FANCM: variants seen among roughly 807,000 people sequenced by gnomAD.
The protein encoded by FANCM is Fanconi anemia group M protein.
A neutral mutation model predicts 199.5 loss-of-function variants in FANCM; 140 were observed. The ratio of observed to expected loss-of-function variants is 0.70; its 90% CI spans 0.61 to 0.81. The LOEUF is 0.81. Among genes scored for constraint, FANCM ranks in the 30% least tolerant of loss-of-function variants. The probability of loss-of-function intolerance (pLI) is 0.00; values close to 1 mark genes in which losing one functional copy is unlikely to be tolerated. For missense variants in FANCM, 2,410 were observed against 2,421.4 expected, an observed-to-expected ratio of 1.00 and a Z score of 0.10; for synonymous variants, 840 against 836.8, an observed-to-expected ratio of 1.00 and a Z score of -0.07.
chr14:45,194,792 A>T (rs1220236262), intron 20 of FANCM, among the ~76,000 whole-genome samples: 2 of 149,236 alleles, frequency 1.3e-5, no homozygotes, highest in East Asian at 3.9e-4. Flanking sequence ...AGATATTGCT[A>T]ACTTCTCTAT....
At chr14:45,150,637 A>G (rs146835441) in intron 4 of FANCM, among the ~76,000 whole-genome samples, 8 of 152,310 alleles carry the variant, frequency 5.3e-5, no homozygotes, top group Non-Finnish European at 1.0e-4. Context: ...GACATACCTT[A>G]TCATTCACAT....
intron 20 of FANCM, among the ~76,000 whole-genome samples, chr14:45,194,363 GCTTC>G (rs1172109707): frequency 6.7e-6 from 1 of 150,220 alleles, no homozygotes; most frequent in African/African-American, 2.4e-5. Flanking sequence ...GTCCTTCACT[GCTTC>G]CTTCCTTGTA....
chr14:45,148,711 G>T, intron 3 of FANCM, 126 bp from the exon 4 acceptor site: 1 of 650,078 alleles, frequency 1.5e-6, no homozygotes, highest in Non-Finnish European at 2.7e-6. Context: ...TTTCTTTTTT[G>T]TTACTTAATG....
intron 11 of FANCM, among the ~76,000 whole-genome samples, chr14:45,169,032 CTG>C (rs1888167119): frequency 6.6e-6 from 1 of 151,980 alleles, no homozygotes; most frequent in Admixed American, 6.6e-5. Flanking sequence ...AGCAATTCTC[CTG>C]CCTCAGCCTC....
chr14:45,150,943 A>C (rs1000426352), intron 4 of FANCM, among the ~76,000 whole-genome samples: 1 of 152,238 alleles, frequency 6.6e-6, no homozygotes, highest in South Asian at 2.1e-4. Flanking sequence ...AAAATGCATC[A>C]GTGAGTAAAA....
rs780819683 is a variant in FANCM at position 45,175,247 on chromosome 14, A to C, written c.2493A>C (p.Glu831Asp). The C allele has an allele frequency of 1.9e-6, 3 of 1,609,436 alleles. No individual in the cohort carries two copies. In the African/African-American group the frequency reaches 4.0e-5, roughly 22 times the overall value. ...AAGGCAGTTCATCCTCAGTGATAGA[A>C]TCTGATGAAGAATGTGCTGAAATTG... ...INQGSSSSVI[E>D]SDEECAEIVK... is the part of the protein sequence containing the mutation. The change falls in exon 14 of 23, where the codon GAA becomes GAC. Residue 831 changes from glutamate to aspartate, a missense_variant. Glu to Asp is a conservative substitution (Grantham distance 45, BLOSUM62 2). Coordinates refer to ENST00000267430, the MANE Select transcript of FANCM (RefSeq NM_020937.4).
At chr14:45,184,577 T>A (rs1889268473) in intron 17 of FANCM, among the ~76,000 whole-genome samples, 1 of 149,918 alleles carries the variant, frequency 6.7e-6, no homozygotes, top group South Asian at 2.1e-4. Context: ...CAGGAAAATC[T>A]CTTGAACCAG....
At chr14:45,186,164 G>A (rs147173597) in intron 18 of FANCM, among the ~76,000 whole-genome samples, 3 of 152,264 alleles carry the variant, frequency 2.0e-5, no homozygotes, top group East Asian at 3.9e-4. Context: ...AAAGTACTGG[G>A]TCTATAGCTG....
chr14:45,170,560 CT>C (rs1232157177), intron 11 of FANCM, 28 bp from the exon 12 acceptor site: 20 of 1,541,908 alleles, frequency 1.3e-5, no homozygotes, highest in Non-Finnish European at 1.8e-5. Flanking sequence ...TTTAAAAAGT[CT>C]CTTTTCCATT....
chr14:45,157,049 T>G (rs1288728147), intron 8 of FANCM, among the ~76,000 whole-genome samples: 1 of 151,884 alleles, frequency 6.6e-6, no homozygotes, highest in African/African-American at 2.4e-5. Flanking sequence ...TGAGGTAATA[T>G]GTATGTTAAT....
In FANCM at chr14:45,138,844, A is replaced by C. The variant is rs1195901204; in HGVS notation, c.681+1603A>C. ...TCCAGATATACATTCCAATAGGTAC[A>C]CCTGCTCCATGAGGCACACACCACC... is the stretch of plus-strand genomic sequence containing the variant. On this transcript the variant is annotated intron_variant, in intron 2 of 22. Coordinates refer to ENST00000267430, the MANE Select transcript of FANCM (RefSeq NM_020937.4). 2.0e-5 allele frequency among the ~76,000 whole-genome samples: 3 copies of C among 152,318 alleles called. No homozygotes were observed. The East Asian group carries it at 5.8e-4, about 29-fold the overall frequency.
intron 9 of FANCM, among the ~76,000 whole-genome samples, chr14:45,160,518 G>T (rs1401399157): frequency 6.7e-6 from 1 of 149,330 alleles, no homozygotes; most frequent in East Asian, 2.0e-4. Context: ...TAGAGACAGG[G>T]TTTCACCATG....
chr14:45,151,362 A>G, intron 4 of FANCM, 35 bp from the exon 5 acceptor site: 5 of 1,602,246 alleles, frequency 3.1e-6, no homozygotes, highest in Non-Finnish European at 4.3e-6. Flanking sequence ...AGGACTTTAG[A>G]GCAAGCTTAA....
chr14:45,156,940 G>GA (rs1367786515), intron 8 of FANCM, among the ~76,000 whole-genome samples: 10 of 144,012 alleles, frequency 6.9e-5, no homozygotes, highest in Non-Finnish European at 1.5e-4. Context: ...AAAAAAAAAG[G>GA]AAAAAAGGAA....
intron 4 of FANCM, among the ~76,000 whole-genome samples, chr14:45,149,371 C>T (rs781439414): frequency 5.3e-5 from 8 of 152,174 alleles, no homozygotes; most frequent in Non-Finnish European, 8.8e-5. Flanking sequence ...ATTGCACACA[C>T]CCGTAACATG....
rs1421417162 is a variant in FANCM at position 45,163,447 on chromosome 14, G to A, written c.1582-912G>A. Reference sequence around the variant, plus strand: ...CACTGTACACAAACTCACAATGTTGGTATTGGTCTGTATGGAGAAACTGAG... The same window carrying A: ...CACTGTACACAAACTCACAATGTTGATATTGGTCTGTATGGAGAAACTGAG... On this transcript the variant is annotated intron_variant, in intron 9 of 22. Coordinates refer to ENST00000267430, the MANE Select transcript of FANCM (RefSeq NM_020937.4). 3.3e-5 allele frequency among the ~76,000 whole-genome samples: 5 copies of A among 152,114 alleles called. No homozygotes were observed. In the East Asian group the frequency reaches 9.6e-4, roughly 29 times the overall value.
In FANCM at chr14:45,159,515, G is replaced by T. The variant is rs573885072; in HGVS notation, c.1581+235G>T. On this transcript the variant is annotated intron_variant, in intron 9 of 22. Transcript: ENST00000267430. ...GTAAAAGTTAAGCAGAAAAGCTGTGGAATTATATTAACTGGGTTGGAATCC... is the reference window on the plus strand; with the variant it reads ...GTAAAAGTTAAGCAGAAAAGCTGTGTAATTATATTAACTGGGTTGGAATCC... Among the ~76,000 whole-genome samples the T allele has an allele frequency of 9.0e-4, 137 of 151,996 alleles. 1 individual carries two copies. The South Asian group carries it at 0.016, about 18-fold the overall frequency.
chr14:45,195,644 G>A (rs1890015497), intron 20 of FANCM: 2 of 437,336 alleles, frequency 4.6e-6, no homozygotes, highest in Non-Finnish European at 4.6e-6. Context: ...TTTGACCTCG[G>A]TGCATTCCTT....
intron 20 of FANCM, among the ~76,000 whole-genome samples, chr14:45,193,954 T>G (rs1456567360): frequency 6.6e-6 from 1 of 152,162 alleles, no homozygotes; most frequent in Non-Finnish European, 1.5e-5. Context: ...TGGGATGTCT[T>G]TTTATTTATT....
Sources: allele counts gnomAD v4.1 joint callset (sites outside exome capture counted in the v4.1 genomes callset), GRCh38; gene constraint gnomAD v4.1.1; transcripts MANE v1.5; gene names NCBI Gene and HGNC (gene_info 2026-07-23, HGNC 2026-07-21).